The following GALNT13 variants were observed in gnomAD, a reference collection of about 807,000 sequenced individuals.
GALNT13 encodes polypeptide N-acetylgalactosaminyltransferase 13.
Under a neutral mutation model 64.2 loss-of-function variants are expected in GALNT13, and 28 were observed. That is an observed-to-expected ratio of 0.44 (90% CI 0.32 to 0.60). GALNT13 has a LOEUF of 0.60. GALNT13 is among the 20% of genes least tolerant of loss of function. The probability of loss-of-function intolerance (pLI) is 0.05; values close to 1 mark genes in which losing one functional copy is unlikely to be tolerated. For synonymous variants in GALNT13, 214 were observed against 224.6 expected (o/e 0.95, Z 0.42); for missense variants, 577 against 669.8 (o/e 0.86, Z 1.53).
At chr2:153,147,465 G>A in the GALNT13 span, among the ~76,000 whole-genome samples, 10 of 151,508 alleles carry the variant, frequency 6.6e-5, no homozygotes, top group African/African-American at 2.4e-4. Flanking sequence ...GAGGCAAACA[G>A]TAGTGAGGAG....
the GALNT13 span, among the ~76,000 whole-genome samples, chr2:153,722,799 G>C: frequency 1.3e-5 from 2 of 151,938 alleles, no homozygotes; most frequent in Non-Finnish European, 2.9e-5. Flanking sequence ...AGCTGAAATT[G>C]TGGCAATAAT....
intron 8 of GALNT13, among the ~76,000 whole-genome samples, chr2:154,290,558 T>C (rs983627467): frequency 1.3e-5 from 2 of 152,186 alleles, no homozygotes; most frequent in Non-Finnish European, 2.9e-5. Flanking sequence ...GATACTGGCT[T>C]GTTAAAAGGC....
Position 154,433,578 on chromosome 2 carries a change from G to T in GALNT13, c.1396-5014G>T, listed in dbSNP as rs934976971. On this transcript the variant is annotated intron_variant, in intron 11 of 12. Coordinates refer to ENST00000392825, the MANE Select transcript of GALNT13 (RefSeq NM_052917.4). ...AGTGAGGAATAAAAAAAAAGCTTAA[G>T]TCGTAAAACAGAAAAAGCCTTTGCC... Among the ~76,000 whole-genome samples, 5 of 152,182 alleles carry T rather than the reference G, an allele frequency of 3.3e-5. No homozygotes were observed. In the Middle Eastern group the frequency reaches 0.01, roughly 311 times the overall value.
At chr2:153,723,440 G>T in the GALNT13 span, among the ~76,000 whole-genome samples, 74,227 of 146,350 alleles carry the variant, frequency 0.51, 22,431 homozygotes, top group Non-Finnish European at 0.68. Context: ...CATAGTGTTG[G>T]AAGTTCTGGC....
chr2:154,060,963 T>C (rs990054810), intron 3 of GALNT13, among the ~76,000 whole-genome samples: 2 of 151,932 alleles, frequency 1.3e-5, no homozygotes, highest in East Asian at 1.9e-4. Flanking sequence ...AAAGGGAAAA[T>C]TGATTTACAT....
the GALNT13 span, among the ~76,000 whole-genome samples, chr2:153,630,291 A>G: frequency 5.3e-5 from 8 of 152,092 alleles, no homozygotes; most frequent in African/African-American, 1.7e-4. Context: ...AATGTGGCAC[A>G]TATACACCAC....
At chr2:154,397,200 C>CT (rs1278450237) in intron 10 of GALNT13, among the ~76,000 whole-genome samples, 2 of 151,988 alleles carry the variant, frequency 1.3e-5, no homozygotes, top group East Asian at 3.9e-4. Context: ...CTTCGGGAGG[C>CT]CAAGGCAGGC....
intron 1 of GALNT13, among the ~76,000 whole-genome samples, chr2:153,896,310 T>G (rs1420139518): frequency 6.6e-6 from 1 of 150,944 alleles, no homozygotes; most frequent in Non-Finnish European, 1.5e-5. Context: ...TGATTTATTT[T>G]AAAACTCTAA....
the GALNT13 span, among the ~76,000 whole-genome samples, chr2:153,121,375 TAC>T: frequency 1.4e-3 from 216 of 152,352 alleles, 1 homozygote; most frequent in African/African-American, 4.9e-3. Context: ...ACTGTTAACT[TAC>T]ACTCTATTTT....
the GALNT13 span, among the ~76,000 whole-genome samples, chr2:153,291,815 G>A: frequency 2.7e-5 from 4 of 150,820 alleles, no homozygotes; most frequent in African/African-American, 4.9e-5. Flanking sequence ...GTAAAAGTAC[G>A]AATTGTCTGG....
intron 11 of GALNT13, among the ~76,000 whole-genome samples, chr2:154,428,887 T>C (rs2105443194): frequency 6.6e-6 from 1 of 152,194 alleles, no homozygotes; most frequent in East Asian, 1.9e-4. Flanking sequence ...GTTCATGCCA[T>C]TCTCCTGCCT....
the GALNT13 span, among the ~76,000 whole-genome samples, chr2:153,583,695 A>T: frequency 2.6e-5 from 4 of 152,272 alleles, no homozygotes; most frequent in African/African-American, 9.6e-5. Flanking sequence ...GGCATGTCCT[A>T]TGCCCCTTTT....
Position 154,079,457 on chromosome 2 carries a change from G to A in GALNT13, c.143-60880G>A, listed in dbSNP as rs888666839. Among the ~76,000 whole-genome samples the A allele has an allele frequency of 5.3e-5, 8 of 151,474 alleles. No homozygotes were observed. In the South Asian group the frequency reaches 6.2e-4, roughly 12 times the overall value. ...AAAAAATATATATATTTTTATTTCAGAGCAGGATGGAAGTTTATTTAACAG... is the reference window on the plus strand; with the variant it reads ...AAAAAATATATATATTTTTATTTCAAAGCAGGATGGAAGTTTATTTAACAG... On this transcript the variant is annotated intron_variant, in intron 3 of 12. Coordinates refer to ENST00000392825, the MANE Select transcript of GALNT13 (RefSeq NM_052917.4).
the GALNT13 span, among the ~76,000 whole-genome samples, chr2:153,324,694 G>T: frequency 1.3e-5 from 2 of 152,170 alleles, no homozygotes; most frequent in African/African-American, 4.8e-5. Flanking sequence ...AGCATGAAGT[G>T]GTGTTGAATT....
the GALNT13 span, among the ~76,000 whole-genome samples, chr2:153,514,215 A>G: frequency 2.4e-4 from 36 of 152,058 alleles, no homozygotes; most frequent in South Asian, 6.2e-3. Context: ...TTGCCATGAC[A>G]TTCCAGCTTC....
chr2:153,364,114 A>G, the GALNT13 span, among the ~76,000 whole-genome samples: 1 of 152,330 alleles, frequency 6.6e-6, no homozygotes, highest in South Asian at 2.1e-4. Context: ...AATCCATCCC[A>G]TAAACTGAAC....
At chr2:153,365,860 A>G in the GALNT13 span, among the ~76,000 whole-genome samples, 1 of 152,114 alleles carries the variant, frequency 6.6e-6, no homozygotes, top group African/African-American at 2.4e-5. Context: ...TAGACCAGAA[A>G]CACCATTTGA....
chr2:154,301,251 C>T (rs374882975), intron 8 of GALNT13, among the ~76,000 whole-genome samples, 158 bp from the exon 9 acceptor site: 5 of 152,290 alleles, frequency 3.3e-5, no homozygotes, highest in East Asian at 3.9e-4. Flanking sequence ...CTTCCAAATT[C>T]GCATCCTTTG....
intron 9 of GALNT13, among the ~76,000 whole-genome samples, chr2:154,354,948 A>G (rs976530054): frequency 6.6e-5 from 10 of 151,294 alleles, no homozygotes; most frequent in African/African-American, 2.4e-4. Flanking sequence ...CTAACTTTCT[A>G]CCTGACTGGA....
Sources: gnomAD v4.1 joint callset for allele counts (sites outside exome capture counted in the v4.1 genomes callset) on GRCh38, gnomAD v4.1.1 for gene constraint, MANE v1.5 for transcripts, NCBI Gene and HGNC (gene_info 2026-07-23, HGNC 2026-07-21) for gene names.